Variants in FGF13 observed in about 807,000 individuals in gnomAD.
FGF13 encodes fibroblast growth factor 13.
FGF13 carries 2 observed loss-of-function variants against 19.5 expected under a neutral mutation model. The observed-to-expected ratio is 0.10, with a 90% CI of 0.04 to 0.32. FGF13 has a LOEUF of 0.32. Among genes scored for constraint, FGF13 ranks in the 10% least tolerant of loss-of-function variants. The pLI, the probability that FGF13 is intolerant of heterozygous loss-of-function variation, is 1.00. For missense variants in FGF13, 113 were observed against 192.7 expected (o/e 0.59, Z 2.45); for synonymous variants, 72 against 76.9 (o/e 0.94, Z 0.33).
At chrX:139,130,238 T>G (rs994025812) in intron 1 of FGF13, among the ~76,000 whole-genome samples, 2 of 112,101 alleles carry the variant, frequency 1.8e-5, no homozygotes, top group Non-Finnish European at 3.8e-5. Context: ...TGCATCTTTC[T>G]TATATTTTGT....
chrX:139,082,823 AGCATTATG>A (rs771659016), intron 1 of FGF13, among the ~76,000 whole-genome samples: 367 of 111,854 alleles, frequency 3.3e-3, no homozygotes, highest in Non-Finnish European at 5.9e-3. Flanking sequence ...TTTTCTTCAT[AGCATTATG>A]GCATTATGGC....
chrX:138,742,861 G>A (rs1443828683), upstream of FGF13, among the ~76,000 whole-genome samples: 1 of 111,846 alleles, frequency 8.9e-6, no homozygotes, highest in African/African-American at 3.3e-5. Context: ...TGCAGAAGCC[G>A]CTGTAAACAG....
intron 1 of FGF13, among the ~76,000 whole-genome samples, chrX:138,979,116 A>G (rs1287850057): frequency 8.9e-6 from 1 of 112,059 alleles, no homozygotes; most frequent in African/African-American, 3.2e-5. Context: ...GGCATTCTCT[A>G]TGTACACACA....
At chrX:139,152,293 C>A (rs984887831) in intron 1 of FGF13, among the ~76,000 whole-genome samples, 1 of 92,452 alleles carries the variant, frequency 1.1e-5, no homozygotes, top group Non-Finnish European at 2.2e-5. Context: ...GGCCCCGGGG[C>A]GATTACCGAT....
At chrX:138,635,738 G>C (rs1434420957) in intron 3 of FGF13, 83 bp from the exon 4 acceptor site, 1 of 711,306 alleles carries the variant, frequency 1.4e-6, no homozygotes, top group African/African-American at 2.1e-5. Flanking sequence ...CCTTTTAGGA[G>C]ATTAAGACAT....
At chrX:139,018,958 A>G (rs1201571827) in intron 1 of FGF13, among the ~76,000 whole-genome samples, 1 of 111,286 alleles carries the variant, frequency 9.0e-6, no homozygotes, top group Non-Finnish European at 1.9e-5. Flanking sequence ...ACCCTTTAGC[A>G]GTCAATGCTC....
intron 3 of FGF13, among the ~76,000 whole-genome samples, chrX:138,756,043 C>T (rs1388440719): frequency 1.8e-5 from 2 of 111,871 alleles, no homozygotes; most frequent in Non-Finnish European, 3.8e-5. Context: ...TGTCTGAGAA[C>T]ACAAGGAAAA....
intron 1 of FGF13, among the ~76,000 whole-genome samples, chrX:139,176,342 C>CA (rs1167717855): frequency 3.7e-5 from 4 of 107,015 alleles, no homozygotes; most frequent in African/African-American, 1.4e-4. Context: ...TTAATCTTTT[C>CA]AAAAAATCAG....
intron 3 of FGF13, among the ~76,000 whole-genome samples, chrX:138,685,443 T>C (rs2089771867): frequency 9.0e-6 from 1 of 110,704 alleles, no homozygotes; most frequent in South Asian, 3.8e-4. Context: ...CCCTACACCA[T>C]AAAAAAACTG....
chrX:138,921,971 CAAAAAAAAAAA>C (rs35464038), intron 1 of FGF13, among the ~76,000 whole-genome samples: 1 of 67,519 alleles, frequency 1.5e-5, no homozygotes, highest in Non-Finnish European at 2.8e-5. Context: ...TTATGGAACT[CAAAAAAAAAAA>C]AAAAAACAAC....
chrX:139,101,165 C>T, intron 1 of FGF13, among the ~76,000 whole-genome samples: 1 of 111,918 alleles, frequency 8.9e-6, no homozygotes, highest in Non-Finnish European at 1.9e-5. Context: ...ATGCACTGGA[C>T]TCAGAGACCC....
intron 3 of FGF13, among the ~76,000 whole-genome samples, chrX:138,773,059 T>C (rs966875002): frequency 2.7e-5 from 3 of 109,751 alleles, no homozygotes; most frequent in Non-Finnish European, 5.7e-5. Context: ...TAAAAATATA[T>C]AAATAATATA....
intron 3 of FGF13, among the ~76,000 whole-genome samples, chrX:138,833,102 C>T (rs904865590): frequency 8.9e-6 from 1 of 112,098 alleles, no homozygotes; most frequent in Non-Finnish European, 1.9e-5. Context: ...TAGCATGATG[C>T]CTCCTACTTT....
At chrX:138,837,446 G>T (rs2091120951) in intron 3 of FGF13, among the ~76,000 whole-genome samples, 1 of 111,932 alleles carries the variant, frequency 8.9e-6, no homozygotes, top group African/African-American at 3.2e-5. Flanking sequence ...TTAAAAAGCA[G>T]TCTGACCACA....
At chrX:138,972,331 T>A (rs982816159) in intron 1 of FGF13, among the ~76,000 whole-genome samples, 1 of 100,629 alleles carries the variant, frequency 9.9e-6, no homozygotes, top group Admixed American at 1.1e-4. Context: ...TATAAGGATT[T>A]CCCTTTCTAC....
chrX:138,902,228 A>G (rs887778736), intron 1 of FGF13, among the ~76,000 whole-genome samples: 1 of 112,367 alleles, frequency 8.9e-6, no homozygotes, highest in Admixed American at 9.4e-5. Context: ...AGGATGTCAG[A>G]TATTTCTGTT....
intron 1 of FGF13, among the ~76,000 whole-genome samples, chrX:139,199,300 GTT>G (rs377207947): frequency 0.033 from 3,692 of 110,741 alleles, 105 homozygotes; most frequent in African/African-American, 0.09. Context: ...AATGCACATG[GTT>G]TTTCCCCCCT....
Position 138,738,499 on chromosome X carries a change from C to G in FGF13, c.28+743G>C, listed in dbSNP as rs187487230. Among the ~76,000 whole-genome samples, 602 of 111,376 alleles carry G rather than the reference C, an allele frequency of 5.4e-3. 3 individuals are homozygous for G. Among genetic ancestry groups the G allele is most frequent in the South Asian group, 0.022 (59 of 2,625 alleles). On this transcript the variant is annotated intron_variant, in intron 1 of 4. Coordinates refer to the FGF13 transcript ENST00000305414. Reference sequence around the variant, plus strand: ...GTGATTTCACTCCTCCAAAAGAATCCCTGTCCTGCTCTTTTCAAAGAGACT... The same window carrying G: ...GTGATTTCACTCCTCCAAAAGAATCGCTGTCCTGCTCTTTTCAAAGAGACT...
chrX:139,126,029 A>G (rs193029518), intron 1 of FGF13, among the ~76,000 whole-genome samples: 5 of 111,931 alleles, frequency 4.5e-5, no homozygotes, highest in African/African-American at 9.7e-5. Flanking sequence ...CCATTTCTTC[A>G]CAGTCAAATA....
Sources: allele counts gnomAD v4.1 joint callset (sites outside exome capture counted in the v4.1 genomes callset), GRCh38; gene constraint gnomAD v4.1.1; transcripts MANE v1.5; gene names NCBI Gene and HGNC (gene_info 2026-07-23, HGNC 2026-07-21).